Variants in NOXO1 observed in about 807,000 individuals in gnomAD.
The protein encoded by NOXO1 is NADPH oxidase organizer 1.
In NOXO1, 38 loss-of-function variants were observed where a neutral mutation model predicts 33.3. The ratio of observed to expected loss-of-function variants is 1.14; its 90% CI spans 0.88 to 1.50. NOXO1 has a LOEUF of 1.50. Among genes scored for constraint, NOXO1 ranks in the 40% most tolerant of loss-of-function variants. The pLI is 0.00. For missense variants in NOXO1, 675 were observed against 527.1 expected (o/e 1.28, Z -2.75); for synonymous variants, 302 against 237.3 (o/e 1.27, Z -2.51).
chr16:1,979,431 A>G lies in NOXO1; in HGVS notation c.812T>C (p.Leu271Pro). The change falls in exon 7 of 8, where the codon CTA becomes CCA. Residue 271 changes from leucine (L) to proline (P), a missense_variant. By Grantham distance (98) the Leu-to-Pro change is moderately conservative. Transcript: ENST00000356120. ...VLETSDRGWW[L>P]CRYGDRAGLL... is the part of the protein sequence containing the mutation. ...CACGCCCGCTCCCGCGTACCTGCAT[A>G]GCCACCAGCCGCGGTCTGACGTTTC... 6.2e-7 allele frequency: 1 copy of G among 1,608,852 alleles called. No individual in the cohort carries two copies. The highest frequency in any genetic ancestry group is 8.5e-7 in the Non-Finnish European group (1 of 1,178,950).
At chr16:1,980,769 C>G in intron 2 of NOXO1, 38 bp from the exon 3 acceptor site, 1 of 1,561,384 alleles carries the variant, frequency 6.4e-7, no homozygotes, top group African/African-American at 1.4e-5. Flanking sequence ...TTCCAGAGCC[C>G]ACTGTGCACC....
At chr16:1,979,646 C>T in intron 6 of NOXO1, 104 bp from the exon 7 acceptor site, 2 of 1,256,336 alleles carry the variant, frequency 1.6e-6, no homozygotes, top group Middle Eastern at 1.9e-4. Flanking sequence ...ACGGCGGGGC[C>T]GCTCTAAGAC....
chr16:1,979,694 G>T lies in NOXO1; in HGVS notation c.700+96C>A, dbSNP rs545703772. 136 of 1,210,078 alleles carry T rather than the reference G, an allele frequency of 1.1e-4. No individual in the cohort carries two copies. The African/African-American group carries it at 1.7e-3, about 15-fold the overall frequency. 75.0% of individuals were successfully genotyped at this position (1,210,078 alleles called of 1,614,324 possible). The stretch of plus-strand genomic sequence containing the variant: ...TCCTCTAGGTGCGGAGACCAAGCAC[G>T]GGCTCCTGGCCCGCCCTGCCCGCGG... On this transcript the variant is annotated intron_variant, in intron 6 of 7. Transcript: ENST00000356120.
rs758153013 is a variant in NOXO1, at chr16:1,980,141, G to A, written c.442C>T (p.Arg148Cys). Residue 148 changes from arginine (R) to cysteine (C), a missense_variant, in exon 5 of 8, where the codon CGC (arginine) becomes TGC (cysteine). By Grantham distance (180) the Arg-to-Cys change is radical. Coordinates refer to ENST00000356120, the MANE Select transcript of NOXO1 (RefSeq NM_172167.3). ...TGGATGGAGAGGCGGCCCGCAGCGC[G>A]AGAAAGAGGCTGCTCCTCTGGGGTG... ...LPTPEEQPLS[R>C]AAGRLSIHSL... 65 of 1,605,802 alleles carry A rather than the reference G, an allele frequency of 4.0e-5. No homozygotes were observed. Among genetic ancestry groups the A allele is most frequent in the Non-Finnish European group, 5.3e-5 (63 of 1,178,416 alleles).
rs199702402 is a variant in NOXO1, at chr16:1,980,054, T to C, written c.529A>G (p.Arg177Gly). Residue 177 changes from arginine to glycine, a missense_variant, in exon 5 of 8, where the codon AGG becomes GGG. Arg to Gly is a moderately radical substitution (Grantham distance 125, BLOSUM62 -2). Transcript: ENST00000356120. ...TCCTGGGCCTGCGCCTGAAAAGGCC[T>C]ATCCCGCGTGTCCTGGGTACAGAAG... is the stretch of plus-strand genomic sequence containing the variant. ...QPFCTQDTRD[R>G]PFQAQAQESL... The C allele has an allele frequency of 1.6e-4, 263 of 1,607,514 alleles. 3 individuals are homozygous for C. The East Asian group carries it at 5.9e-3, about 36-fold the overall frequency.
At position 1,980,371 on chromosome 16, in the gene NOXO1, C is replaced by T; in HGVS notation, c.397G>A (p.Gly133Ser). 1.9e-6 allele frequency: 3 copies of T among 1,600,186 alleles called. No individual in the cohort carries two copies. Among genetic ancestry groups the T allele is most frequent in the Non-Finnish European group, 2.5e-6 (3 of 1,178,730 alleles). Residue 133 changes from glycine (G) to serine (S), a missense_variant, in exon 4 of 8, where the codon GGC becomes AGC. By Grantham distance (56) the Gly-to-Ser change is moderately conservative. Transcript: ENST00000356120. ...AGTTTGGGGCGAGTCAGGCACCTGC[C>T]GGGTGGCAGCGCGGGCTCCAGGTCC... ...PLDLEPALPP[G>S]SRVILPTPEE...
At position 1,980,982 on chromosome 16, in the gene NOXO1, T is replaced by A; in HGVS notation, c.104A>T (p.Asp35Val). 6.2e-7 allele frequency: 1 copy of A among 1,613,240 alleles called. No individual in the cohort carries two copies. Among genetic ancestry groups the A allele is most frequent in the Non-Finnish European group, 8.5e-7 (1 of 1,180,024 alleles). The change falls in exon 2 of 8, where the codon GAC (aspartate) becomes GTC (valine). Residue 35 changes from aspartate to valine, a missense_variant. Transcript: ENST00000356120. The part of the protein sequence containing the change: ...AFSVRWSDGS[D>V]TFVRRSWDEF... ...GTCCCAACTCCTGCGCACGAAGGTG[T>A]CGCTGCCGTCTGACCAGCGCACAGA...
intron 6 of NOXO1, 77 bp downstream of exon 6, chr16:1,979,713 C>A: frequency 7.7e-7 from 1 of 1,291,814 alleles, no homozygotes; most frequent in African/African-American, 1.5e-5. Context: ...GCCCGCCCTG[C>A]CCGCGGTGCT....
Position 1,981,434 on chromosome 16 carries a change from A to T in NOXO1, c.-255T>A. On this transcript the variant is annotated 5_prime_UTR_variant, in exon 1 of 8. Coordinates refer to ENST00000356120, the MANE Select transcript of NOXO1 (RefSeq NM_172167.3). ...GGCAGAGCTGCTGGGAGGAAGAAGA[A>T]GAATGAGCTTTCCAGCCCTGGAGGC... The T allele has an allele frequency of 1.1e-6, 1 of 891,688 alleles. No homozygotes were observed. The highest frequency in any genetic ancestry group is 1.6e-6 in the Non-Finnish European group (1 of 613,864). The allele number at this position is 891,688 out of a possible 1,614,324, so 55.2% of individuals were successfully genotyped here. A position where few individuals can be genotyped will look rare whatever the true frequency, so the allele number is the denominator to read the frequency against.
In NOXO1 at chr16:1,978,963, C is replaced by G. The variant is rs1033351627; in HGVS notation, c.*89G>C. On this transcript the variant is annotated 3_prime_UTR_variant, in exon 8 of 8. Transcript: ENST00000356120. ...CAGAGGAACAGCAAATGGCCCCCTCCCATCCCTGCTGGCCAGGGAGATCCG... is the reference window on the plus strand; with the variant it reads ...CAGAGGAACAGCAAATGGCCCCCTCGCATCCCTGCTGGCCAGGGAGATCCG... The G allele has an allele frequency of 3.1e-6, 4 of 1,305,118 alleles. No individual in the cohort carries two copies. Among genetic ancestry groups the G allele is most frequent in the Non-Finnish European group, 4.2e-6 (4 of 961,868 alleles). The allele number at this position is 1,305,118 out of a possible 1,614,324, so 80.8% of individuals were successfully genotyped here. A position where few individuals can be genotyped will look rare whatever the true frequency, so the allele number is the denominator to read the frequency against.
chr16:1,979,379 C>T (rs374895050), intron 7 of NOXO1, 30 bp from the exon 8 acceptor site: 11 of 1,590,306 alleles, frequency 6.9e-6, no homozygotes, highest in Non-Finnish European at 9.4e-6. Context: ...GTTAGGGCCC[C>T]GCCCGCCTCG....
chr16:1,979,630 C>T, intron 6 of NOXO1, 88 bp from the exon 7 acceptor site: 2 of 1,340,300 alleles, frequency 1.5e-6, no homozygotes, highest in Non-Finnish European at 2.1e-6. Context: ...TTGCTTGAGT[C>T]TGCTGACGGC....
In NOXO1 at chr16:1,980,556, AC is replaced by A; in HGVS notation, c.224-13del. 1 of 1,599,304 alleles carries A rather than the reference AC, an allele frequency of 6.3e-7. No homozygotes were observed. The highest frequency in any genetic ancestry group is 2.2e-5 in the East Asian group (1 of 44,608). On this transcript the variant is annotated splice_polypyrimidine_tract_variant and intron_variant, in intron 3 of 7. Transcript: ENST00000356120. ...CAACAGTGGTGCATCTTAAGGCACC[AC>A]AAAAACGTACTGTGATACGCCGCTT...
At chr16:1,980,901 C>A (rs2083494758) in intron 2 of NOXO1, 38 bp downstream of exon 2, 1 of 1,576,156 alleles carries the variant, frequency 6.3e-7, no homozygotes. Context: ...CGTGGGGAAG[C>A]CGCCACCGCG....
rs753468869 is a variant in NOXO1, at chr16:1,981,130, T to G, written c.50A>C (p.Gln17Pro). 5.6e-6 allele frequency: 9 copies of G among 1,613,514 alleles called. No individual in the cohort carries two copies. The South Asian group carries it at 9.9e-5, about 18-fold the overall frequency. The change falls in exon 1 of 8, where the codon CAG becomes CCG. Residue 17 changes from glutamine (Q) to proline (P), a missense_variant. By Grantham distance (76) the Gln-to-Pro change is moderately conservative (BLOSUM62 -1). Transcript: ENST00000356120. ...AGGTCTTACTTGGAGCCTCTTGATC[T>G]GCACCAGGGCTGCCCCTTGCACTGA... ...PVSVQGAALV[Q>P]IKRLQTFAFS...
At position 1,979,283 on chromosome 16, in the gene NOXO1, C is replaced by G. The variant is rs1442967032; in HGVS notation, c.885G>C (p.Leu295=). 2.6e-6 allele frequency: 4 copies of G among 1,556,700 alleles called. No homozygotes were observed. In the Admixed American group the frequency reaches 7.3e-5, roughly 28 times the overall value. ...LLRPEGLGAL[L]SGTGFRGGDD... is the part of the protein sequence containing the mutation. ...CTCCTCCACGGAACCCCGTCCCGCT[C>G]AGGAGAGCGCCCAGCCCTTCCGGCC... Residue 295 remains leucine (L), a synonymous_variant, in exon 8 of 8, where the codon CTG becomes CTC. Transcript: ENST00000356120.
Position 1,979,484 on chromosome 16 carries a change from C to G in NOXO1, c.759G>C (p.Val253=), listed in dbSNP as rs577771307. The change falls in exon 7 of 8, where the codon GTG becomes GTC. Residue 253 remains valine (V), a synonymous_variant. Transcript: ENST00000356120. Reference sequence around the variant, plus strand: ...ACACGCGCACGCGCGCCCCCGCGGGCACGGACAGCTCATCTGCGCGGCTGC... The same window carrying G: ...ACACGCGCACGCGCGCCCCCGCGGGGACGGACAGCTCATCTGCGCGGCTGC... ...YESSRADELS[V]PAGARVRVLE... The G allele has an allele frequency of 3.8e-5, 61 of 1,611,924 alleles. No individual in the cohort carries two copies. Among genetic ancestry groups the G allele is most frequent in the Non-Finnish European group, 4.7e-5 (56 of 1,179,574 alleles).
At position 1,980,381 on chromosome 16, in the gene NOXO1, C is replaced by G. The variant is rs1432640172; in HGVS notation, c.387G>C (p.Ala129=). Residue 129 remains alanine, a synonymous_variant, in exon 4 of 8, where the codon GCG becomes GCC. Transcript: ENST00000356120. ...GAGTCAGGCACCTGCCGGGTGGCAG[C>G]GCGGGCTCCAGGTCCAGGGGTTGCG... The part of the protein sequence containing the change: ...FAPQPLDLEP[A]LPPGSRVILP... 6.2e-7 allele frequency: 1 copy of G among 1,601,020 alleles called. No homozygotes were observed. Among genetic ancestry groups the G allele is most frequent in the Admixed American group, 1.7e-5 (1 of 59,732 alleles).
Position 1,978,983 on chromosome 16 carries a change from G to T in NOXO1, c.*69C>A. On this transcript the variant is annotated 3_prime_UTR_variant, in exon 8 of 8. Coordinates refer to ENST00000356120, the MANE Select transcript of NOXO1 (RefSeq NM_172167.3). The stretch of plus-strand genomic sequence containing the variant: ...CCCTCCCATCCCTGCTGGCCAGGGA[G>T]ATCCGCCCTCCCCGCTCCTCCCCAG... The T allele has an allele frequency of 7.0e-7, 1 of 1,421,108 alleles. No individual in the cohort carries two copies. Among genetic ancestry groups the T allele is most frequent in the Non-Finnish European group, 9.4e-7 (1 of 1,066,038 alleles). 88.0% of individuals were successfully genotyped at this position (1,421,108 alleles called of 1,614,324 possible).
Sources: gnomAD v4.1 joint callset for allele counts on GRCh38, gnomAD v4.1.1 for gene constraint, MANE v1.5 for transcripts, NCBI Gene and HGNC (gene_info 2026-07-23, HGNC 2026-07-21) for gene names.